The following COL14A1 variants were observed in gnomAD, a reference collection of about 807,000 sequenced individuals.
The protein encoded by COL14A1 is collagen type XIV alpha 1 chain.
In COL14A1, 136 loss-of-function variants were observed where a neutral mutation model predicts 230.3. The observed-to-expected ratio is 0.59, with a 90% CI of 0.51 to 0.68. The LOEUF (loss-of-function observed/expected upper bound fraction) is 0.68. Ranked by LOEUF, COL14A1 falls within the 30% of genes least tolerant of loss-of-function variation. The pLI, the probability that COL14A1 is intolerant of heterozygous loss-of-function variation, is 0.00. For missense variants in COL14A1, 1,976 were observed against 2,215.8 expected (o/e 0.89, Z 2.17); for synonymous variants, 792 against 784.1 (o/e 1.01, Z -0.17).
At chr8:120,258,494 T>C (rs1586810806) in intron 23 of COL14A1, among the ~76,000 whole-genome samples, 1 of 151,892 alleles carries the variant, frequency 6.6e-6, no homozygotes, top group Non-Finnish European at 1.5e-5. Context: ...TGGCTGGAGG[T>C]GGGGGTGTTA....
chr8:120,238,530 T>G (rs2130837769), intron 19 of COL14A1, among the ~76,000 whole-genome samples: 1 of 152,338 alleles, frequency 6.6e-6, no homozygotes, highest in African/African-American at 2.4e-5. Flanking sequence ...ACAGTGGATC[T>G]TAGCTTGTTG....
chr8:120,187,644 A>G (rs1816690032), intron 5 of COL14A1, among the ~76,000 whole-genome samples: 1 of 152,230 alleles, frequency 6.6e-6, no homozygotes, highest in Non-Finnish European at 1.5e-5. Flanking sequence ...ATTGGTGTAA[A>G]ATTATTGGAA....
chr8:120,299,232 A>T (rs1244361119), intron 35 of COL14A1, among the ~76,000 whole-genome samples: 2 of 152,104 alleles, frequency 1.3e-5, no homozygotes, highest in Non-Finnish European at 2.9e-5. Context: ...TTACCGTATC[A>T]AAAAGCCAAA....
chr8:120,335,490 T>C (rs1449272008), intron 42 of COL14A1, among the ~76,000 whole-genome samples: 1 of 152,092 alleles, frequency 6.6e-6, no homozygotes, highest in African/African-American at 2.4e-5. Context: ...GCCCAGACTT[T>C]TTTGGGCCCA....
rs545214719 is a variant in COL14A1 at position 120,330,468 on chromosome 8, C to T, written c.4660-1673C>T. Among the ~76,000 whole-genome samples, 138 of 152,262 alleles carry T rather than the reference C, an allele frequency of 9.1e-4. 1 individual carries two copies. The highest frequency in any genetic ancestry group is 3.1e-3 in the African/African-American group (128 of 41,556). ...AGGCAAAAGAGGAGGAAAGTGACAT[C>T]TTAAATGACGGCAGGCAAGAGAGCA... On this transcript the variant is annotated intron_variant, in intron 40 of 47. Transcript: ENST00000297848.
At position 120,234,798 on chromosome 8, in the gene COL14A1, G is replaced by A. The variant is rs1818386766; in HGVS notation, c.2349+3180G>A. Among the ~76,000 whole-genome samples, 4 of 152,162 alleles carry A rather than the reference G, an allele frequency of 2.6e-5. No homozygotes were observed. The South Asian group carries it at 6.2e-4, about 24-fold the overall frequency. Reference sequence around the variant, plus strand: ...TCTTTTTTTGTTGTGTCTCTGCCAGGTTTTGGTGTCAGCATGATGCTGACC... The same window carrying A: ...TCTTTTTTTGTTGTGTCTCTGCCAGATTTTGGTGTCAGCATGATGCTGACC... On this transcript the variant is annotated intron_variant, in intron 19 of 47. Coordinates refer to ENST00000297848, the MANE Select transcript of COL14A1 (RefSeq NM_021110.4).
intron 26 of COL14A1, among the ~76,000 whole-genome samples, chr8:120,271,268 C>A (rs1819658370): frequency 6.6e-6 from 1 of 151,356 alleles, no homozygotes; most frequent in South Asian, 2.1e-4. Context: ...AATTACCTGT[C>A]AGGTAACATG....
At chr8:120,258,102 G>T (rs1819215127) in intron 23 of COL14A1, among the ~76,000 whole-genome samples, 1 of 152,168 alleles carries the variant, frequency 6.6e-6, no homozygotes, top group Non-Finnish European at 1.5e-5. Flanking sequence ...CAGAAATCTA[G>T]ATAAACTTAA....
intron 40 of COL14A1, among the ~76,000 whole-genome samples, chr8:120,331,037 G>T (rs1425179602): frequency 6.6e-6 from 1 of 150,974 alleles, no homozygotes; most frequent in African/African-American, 2.4e-5. Context: ...CCTGGGAGGG[G>T]GAAGTTGCGA....
At chr8:120,322,232 G>A (rs142205036) in intron 40 of COL14A1, among the ~76,000 whole-genome samples, 78 of 151,120 alleles carry the variant, frequency 5.2e-4, no homozygotes, top group African/African-American at 1.7e-3. Flanking sequence ...GGGGGGTGGG[G>A]TTGGGGAAGG....
At chr8:120,278,828 A>G (rs1819937720) in intron 28 of COL14A1, among the ~76,000 whole-genome samples, 1 of 152,094 alleles carries the variant, frequency 6.6e-6, no homozygotes, top group Non-Finnish European at 1.5e-5. Flanking sequence ...GAACTCTAGC[A>G]ATTAAGTACT....
intron 42 of COL14A1, among the ~76,000 whole-genome samples, chr8:120,336,288 C>G (rs1213682095): frequency 4.6e-5 from 7 of 152,134 alleles, no homozygotes; most frequent in Admixed American, 4.6e-4. Flanking sequence ...GGAGTAGCGG[C>G]TTCAGGAGCA....
At position 120,203,831 on chromosome 8, in the gene COL14A1, C is replaced by G. The variant is rs200714776; in HGVS notation, c.1000C>G (p.Leu334Val). The change falls in exon 9 of 48, where the codon CTC becomes GTC. Residue 334 changes from leucine (L) to valine (V), a missense_variant. Leu to Val is a conservative substitution (Grantham distance 32, BLOSUM62 1). Around this residue, in one of 3 missense-constraint regions of COL14A1, gnomAD observed 1,791 missense variants for 2,019.5 expected, o/e 0.89. Transcript: ENST00000297848. The stretch of plus-strand genomic sequence containing the variant: ...AGTTGTGGAGAGTCTGACCAGGACT[C>G]TCTGCTCTAGAGTGGAAGAACAGGA... Reference protein sequence around the residue: ...HTVVESLTRTLCSRVEEQDRE... With the variant: ...HTVVESLTRTVCSRVEEQDRE... 5 of 1,613,840 alleles carry G rather than the reference C, an allele frequency of 3.1e-6. No homozygotes were observed. The highest frequency in any genetic ancestry group is 1.1e-5 in the South Asian group (1 of 91,044).
At chr8:120,251,529 C>T (rs1179704228) in intron 22 of COL14A1, among the ~76,000 whole-genome samples, 1 of 152,174 alleles carries the variant, frequency 6.6e-6, no homozygotes, top group Non-Finnish European at 1.5e-5. Context: ...ATCTGGGACT[C>T]CTTAGTGGCA....
At chr8:120,215,787 G>A (rs891667707) in intron 13 of COL14A1, among the ~76,000 whole-genome samples, 1 of 152,126 alleles carries the variant, frequency 6.6e-6, no homozygotes, top group Admixed American at 6.5e-5. Context: ...ACTGATCAGT[G>A]GGAAGGATAG....
At chr8:120,332,788 T>C in intron 42 of COL14A1, 53 bp downstream of exon 42, 1 of 1,425,492 alleles carries the variant, frequency 7.0e-7, no homozygotes, top group Non-Finnish European at 9.8e-7. Context: ...TCACGTTTAT[T>C]TATGTGTTTA....
intron 26 of COL14A1, among the ~76,000 whole-genome samples, chr8:120,270,781 G>A (rs546911285): frequency 2.0e-5 from 3 of 151,822 alleles, no homozygotes; most frequent in East Asian, 3.9e-4. Context: ...TGGCAGAAAC[G>A]TAAATTAATT....
At chr8:120,318,956 G>GT (rs1163347924) in intron 40 of COL14A1, among the ~76,000 whole-genome samples, 1 of 152,044 alleles carries the variant, frequency 6.6e-6, no homozygotes, top group African/African-American at 2.4e-5. Context: ...TATTTCCCCT[G>GT]TCCTGTGTGA....
chr8:120,368,281 T>C (rs1823475497), intron 46 of COL14A1, among the ~76,000 whole-genome samples: 1 of 152,168 alleles, frequency 6.6e-6, no homozygotes, highest in Admixed American at 6.5e-5. Flanking sequence ...AGTAAAGTGC[T>C]TTACAGATTT....
Sources: gnomAD v4.1 joint callset for allele counts (sites outside exome capture counted in the v4.1 genomes callset) on GRCh38, gnomAD v4.1.1 for gene constraint, gnomAD v4.1.1 regional missense constraint, MANE v1.5 for transcripts, NCBI Gene and HGNC (gene_info 2026-07-23, HGNC 2026-07-21) for gene names.